CTNS: variants seen among roughly 807,000 people sequenced by gnomAD.
The protein encoded by CTNS is cystinosin, lysosomal cystine transporter, also known as cystinosin.
In CTNS, 27 loss-of-function variants were observed where a neutral mutation model predicts 43.7. The ratio of observed to expected loss-of-function variants is 0.62; its 90% CI spans 0.46 to 0.85. The LOEUF is 0.85. Among genes scored for constraint, CTNS ranks in the 40% least tolerant of loss-of-function variants. The probability of loss-of-function intolerance (pLI) is 0.00; values close to 1 mark genes in which losing one functional copy is unlikely to be tolerated. For missense variants in CTNS, 457 were observed against 475.4 expected (o/e 0.96, Z 0.36); for synonymous variants, 187 against 190.6 (o/e 0.98, Z 0.16).
chr17:3,639,451 C>T (rs1394297566), intron 2 of CTNS, among the ~76,000 whole-genome samples: 2 of 151,880 alleles, frequency 1.3e-5, no homozygotes, highest in African/African-American at 2.4e-5. Flanking sequence ...GCGGATCACT[C>T]GAGGTCAGGA....
chr17:3,653,021 A>C (rs748545203), intron 5 of CTNS, among the ~76,000 whole-genome samples: 3 of 152,208 alleles, frequency 2.0e-5, no homozygotes, highest in Non-Finnish European at 4.4e-5. Flanking sequence ...GCTACTCAGG[A>C]GGCTGAGGCG....
In CTNS at chr17:3,659,926, C is replaced by T. The variant is rs117654723; in HGVS notation, c.921C>T (p.Thr307=). The T allele has an allele frequency of 1.7e-5, 27 of 1,613,950 alleles. No individual in the cohort carries two copies. Among genetic ancestry groups the T allele is most frequent in the East Asian group, 6.7e-5 (3 of 44,892 alleles). Residue 307 remains threonine, a synonymous_variant, in exon 11 of 12, where the codon ACC becomes ACT. Transcript: ENST00000046640. Reference sequence around the variant, plus strand: ...TTGGCAACGTGCTCCTGGACTTCACCGGGGGCAGCTTCAGCCTCCTGCAGA... The same window carrying T: ...TTGGCAACGTGCTCCTGGACTTCACTGGGGGCAGCTTCAGCCTCCTGCAGA... ...WSIGNVLLDF[T]GGSFSLLQMF...
At chr17:3,657,808 C>A in intron 9 of CTNS, 197 bp from the exon 10 acceptor site, 1 of 626,368 alleles carries the variant, frequency 1.6e-6, no homozygotes, top group Non-Finnish European at 2.8e-6. Flanking sequence ...CAGCACCAGC[C>A]CAGGTGTGAT....
chr17:3,654,942 G>A, intron 5 of CTNS, 56 bp from the exon 6 acceptor site: 1 of 1,263,498 alleles, frequency 7.9e-7, no homozygotes, highest in Non-Finnish European at 1.2e-6. Flanking sequence ...CTAGATGCCA[G>A]CGGGGTCCTC....
chr17:3,650,300 G>C (rs1331438196), intron 5 of CTNS: 12 of 1,549,784 alleles, frequency 7.7e-6, no homozygotes, highest in Non-Finnish European at 1.0e-5. Flanking sequence ...TCAGTCTCCA[G>C]CATGTGGGAA....
At chr17:3,653,341 G>A (rs2076036547) in intron 5 of CTNS, among the ~76,000 whole-genome samples, 4 of 152,058 alleles carry the variant, frequency 2.6e-5, no homozygotes, top group Admixed American at 2.6e-4. Flanking sequence ...TGAACCCTGG[G>A]GGCGGAGATT....
chr17:3,651,592 A>G (rs1368556996), intron 5 of CTNS, among the ~76,000 whole-genome samples: 1 of 152,152 alleles, frequency 6.6e-6, no homozygotes, highest in Non-Finnish European at 1.5e-5. Flanking sequence ...TGGGAGCTGG[A>G]TGCATTCAGT....
At chr17:3,658,919 A>T (rs550987731) in intron 10 of CTNS, among the ~76,000 whole-genome samples, 195 of 152,124 alleles carry the variant, frequency 1.3e-3, no homozygotes, top group African/African-American at 4.6e-3. Flanking sequence ...GGCTGGTTGA[A>T]CAGTGTTGAG....
intron 2 of CTNS, 66 bp from the exon 3 acceptor site, chr17:3,640,122 T>A: frequency 7.7e-7 from 1 of 1,302,454 alleles, no homozygotes; most frequent in East Asian, 2.3e-5. Flanking sequence ...GAGGGCAGAT[T>A]GTCTACAGGG....
At position 3,655,072 on chromosome 17, in the gene CTNS, T is replaced by C. The variant is rs376042415; in HGVS notation, c.300T>C (p.Tyr100=). The change falls in exon 6 of 12, where the codon TAT becomes TAC. Residue 100 remains tyrosine (Y), a synonymous_variant. Transcript: ENST00000046640. ...TSQNVGQLTV[Y]LHGNHSNQTG... ...AAAATGTTGGACAACTTACTGTTTA[T>C]CTACATGGAAATCACTCCAATCAGA... is the stretch of plus-strand genomic sequence containing the variant. 3.7e-6 allele frequency: 6 copies of C among 1,614,160 alleles called. No homozygotes were observed. The South Asian group carries it at 6.6e-5, about 18-fold the overall frequency.
At chr17:3,653,241 A>T (rs1044657084) in intron 5 of CTNS, among the ~76,000 whole-genome samples, 1 of 151,466 alleles carries the variant, frequency 6.6e-6, no homozygotes. Flanking sequence ...GCGAAACCCC[A>T]TCTCTACGAA....
At position 3,640,189 on chromosome 17, in the gene CTNS, T is replaced by C; in HGVS notation, c.-18T>C. ...CTCTCTTGCTGTTTTTCTTCCTAGT[T>C]CTGAGAAATCGAGAAACATGATAAG... On this transcript the variant is annotated splice_region_variant and 5_prime_UTR_variant, in exon 3 of 12. Transcript: ENST00000046640. The C allele has an allele frequency of 6.2e-7, 1 of 1,612,874 alleles. No homozygotes were observed. Among genetic ancestry groups the C allele is most frequent in the Non-Finnish European group, 8.5e-7 (1 of 1,178,852 alleles).
intron 2 of CTNS, among the ~76,000 whole-genome samples, chr17:3,637,970 C>T (rs1256282822): frequency 1.3e-5 from 2 of 152,154 alleles, no homozygotes; most frequent in Non-Finnish European, 2.9e-5. Flanking sequence ...AGTTCCAGGT[C>T]GTAGAACAGA....
At chr17:3,648,589 C>T (rs1172230632) in intron 4 of CTNS, among the ~76,000 whole-genome samples, 1 of 152,228 alleles carries the variant, frequency 6.6e-6, no homozygotes, top group African/African-American at 2.4e-5. Context: ...CCTCCAGATG[C>T]CTCATTTGTC....
intron 9 of CTNS, among the ~76,000 whole-genome samples, chr17:3,657,458 T>C (rs161401): frequency 0.99 from 150,752 of 152,318 alleles, 74,634 homozygotes; most frequent in Non-Finnish European, 1. Flanking sequence ...TAAGGCCAGC[T>C]GGGGGCTGTC....
At chr17:3,650,400 T>C in intron 5 of CTNS, 1 of 1,517,154 alleles carries the variant, frequency 6.6e-7, no homozygotes, top group Middle Eastern at 2.3e-4. Context: ...GAGAATCACT[T>C]GAGCCCAGGA....
At chr17:3,638,080 T>C (rs2075582633) in intron 2 of CTNS, among the ~76,000 whole-genome samples, 1 of 152,120 alleles carries the variant, frequency 6.6e-6, no homozygotes, top group South Asian at 2.1e-4. Flanking sequence ...GGAGCCTTCT[T>C]GAAACATGTG....
chr17:3,657,862 G>GC, intron 9 of CTNS, 143 bp from the exon 10 acceptor site: 4 of 844,182 alleles, frequency 4.7e-6, no homozygotes, highest in Non-Finnish European at 7.7e-6. Flanking sequence ...CCCCAGTGCA[G>GC]CCCCCACCTT....
Position 3,660,806 on chromosome 17 carries a change from C to A in CTNS, c.*437C>A. On this transcript the variant is annotated 3_prime_UTR_variant, in exon 12 of 12. Transcript: ENST00000046640. The stretch of plus-strand genomic sequence containing the variant: ...TCCCAGAGATCAAGCAGCCCGGTGC[C>A]GTGGCCAGTGAACTCAGAGGTGCTG... 6.2e-7 allele frequency: 1 copy of A among 1,602,880 alleles called. No individual in the cohort carries two copies. The highest frequency in any genetic ancestry group is 1.1e-5 in the South Asian group (1 of 89,892).
Sources: allele counts gnomAD v4.1 joint callset (sites outside exome capture counted in the v4.1 genomes callset), GRCh38; gene constraint gnomAD v4.1.1; transcripts MANE v1.5; gene names NCBI Gene and HGNC (gene_info 2026-07-23, HGNC 2026-07-21).